GBP6: variants seen among roughly 807,000 people sequenced by gnomAD.
GBP6 encodes guanylate binding protein family member 6, also known as guanylate-binding protein 6.
Under a neutral mutation model 61.5 loss-of-function variants are expected in GBP6, and 54 were observed. The observed-to-expected ratio is 0.88, with a 90% confidence interval of 0.71 to 1.10. The LOEUF (loss-of-function observed/expected upper bound fraction) is 1.10, where lower values mean the gene tolerates loss of function less well. Ranked by LOEUF, GBP6 falls within the 50% of genes least tolerant of loss-of-function variation. GBP6 has a pLI of 0.00. For missense variants in GBP6, 748 were observed against 752.8 expected, an observed-to-expected ratio of 0.99 and a Z score of 0.07; for synonymous variants, 255 against 273.7, an observed-to-expected ratio of 0.93 and a Z score of 0.67.
chr1:89,374,891 A>G (rs1233456991), intron 3 of GBP6, among the ~76,000 whole-genome samples: 1 of 152,120 alleles, frequency 6.6e-6, no homozygotes, highest in Admixed American at 6.6e-5. Flanking sequence ...AGTATCCATT[A>G]GTTATTTTTC....
At chr1:89,382,413 T>G (rs1489418175) in intron 7 of GBP6, among the ~76,000 whole-genome samples, 2 of 152,194 alleles carry the variant, frequency 1.3e-5, no homozygotes, top group Non-Finnish European at 2.9e-5. Flanking sequence ...ATAGAGATTA[T>G]GGAATGTAGT....
At chr1:89,384,624 C>T (rs1653084397) in intron 10 of GBP6, among the ~76,000 whole-genome samples, 2 of 152,116 alleles carry the variant, frequency 1.3e-5, no homozygotes, top group Non-Finnish European at 2.9e-5. Flanking sequence ...TTGATGTGAA[C>T]AGCAGCTGGT....
chr1:89,367,047 A>G (rs1282539261), intron 1 of GBP6, among the ~76,000 whole-genome samples: 5 of 152,198 alleles, frequency 3.3e-5, no homozygotes, highest in East Asian at 3.8e-4. Context: ...TTGTTCATCT[A>G]TTCATCTGTT....
At chr1:89,383,930 C>A (rs1231882204) in intron 9 of GBP6, among the ~76,000 whole-genome samples, 163 bp from the exon 10 acceptor site, 1 of 152,226 alleles carries the variant, frequency 6.6e-6, no homozygotes, top group African/African-American at 2.4e-5. Flanking sequence ...ACAGGCAGAG[C>A]CTTTCCCATC....
At chr1:89,364,687 A>G (rs1652415195) in intron 1 of GBP6, among the ~76,000 whole-genome samples, 1 of 149,798 alleles carries the variant, frequency 6.7e-6, no homozygotes, top group Non-Finnish European at 1.5e-5. Context: ...GGGGGGTGTT[A>G]GTTTCCCATA....
chr1:89,383,772 G>C lies in GBP6; in HGVS notation c.1468+18G>C. The C allele has an allele frequency of 1.9e-6, 3 of 1,545,568 alleles. No homozygotes were observed. The highest frequency in any genetic ancestry group is 2.7e-6 in the Non-Finnish European group (3 of 1,131,844). Reference sequence around the variant, plus strand: ...AGTAGCAGGTATGGGGCAGGGCTCAGCTTACACAGGAGGGGTACGTTTATA... The same window carrying C: ...AGTAGCAGGTATGGGGCAGGGCTCACCTTACACAGGAGGGGTACGTTTATA... On this transcript the variant is annotated intron_variant, in intron 9 of 10. Coordinates refer to ENST00000370456, the MANE Select transcript of GBP6 (RefSeq NM_198460.3).
At chr1:89,376,907 G>A (rs1652824512) in intron 3 of GBP6, among the ~76,000 whole-genome samples, 1 of 152,070 alleles carries the variant, frequency 6.6e-6, no homozygotes, top group Non-Finnish European at 1.5e-5. Context: ...CTATCAAACA[G>A]TGATATACTC....
At position 89,382,896 on chromosome 1, in the gene GBP6, T is replaced by C. The variant is rs201707768; in HGVS notation, c.1365+20T>C. 54 of 1,557,880 alleles carry C rather than the reference T, an allele frequency of 3.5e-5. 2 individuals are homozygous for C. The Admixed American group carries it at 9.0e-4, about 26-fold the overall frequency. ...GTAAAGGTAAGGAATAAGGGGAGCA[T>C]GGGGAAGTTTATAGGATAGAGTGAA... On this transcript the variant is annotated intron_variant, in intron 8 of 10. Coordinates refer to ENST00000370456, the MANE Select transcript of GBP6 (RefSeq NM_198460.3).
chr1:89,380,346 A>G (rs761320317), intron 5 of GBP6, 40 bp from the exon 6 acceptor site: 16 of 1,576,348 alleles, frequency 1.0e-5, no homozygotes, highest in Non-Finnish European at 1.2e-5. Context: ...TTATACCAAG[A>G]CTGTTTTCAC....
At chr1:89,384,388 C>T (rs1653077890) in intron 10 of GBP6, 102 bp downstream of exon 10, 1 of 871,432 alleles carries the variant, frequency 1.1e-6, no homozygotes, top group Non-Finnish European at 1.7e-6. Context: ...AAGCACATCA[C>T]CATTTGCTGC....
rs200762631 is a variant in GBP6 at position 89,385,350 on chromosome 1, C to T, written c.1783C>T (p.Arg595Ter). 68 of 1,613,992 alleles carry T rather than the reference C, an allele frequency of 4.2e-5. No individual in the cohort carries two copies. The highest frequency in any genetic ancestry group is 1.4e-4 in the South Asian group (13 of 91,090). ...TKNDDTPWIARTLDNLADELT... is the reference protein window; with the variant it reads ...TKNDDTPWIA ...AAATGATGATACTCCCTGGATTGCA[C>T]GAACCTTGGACAACCTTGCCGATGA... is the stretch of plus-strand genomic sequence containing the variant. Residue 595 changes from arginine (R) to a stop codon, truncating the protein, a stop_gained, in exon 11 of 11, where the codon CGA becomes TGA. Transcript: ENST00000370456. LOFTEE classifies it low-confidence loss of function (END_TRUNC).
chr1:89,377,023 G>A (rs891055600), intron 3 of GBP6, among the ~76,000 whole-genome samples: 19 of 151,938 alleles, frequency 1.3e-4, no homozygotes, highest in Non-Finnish European at 7.4e-5. Context: ...AAATGAATAG[G>A]CTATTCTTCC....
At chr1:89,381,124 A>C (rs967925858) in intron 6 of GBP6, among the ~76,000 whole-genome samples, 6 of 152,042 alleles carry the variant, frequency 3.9e-5, no homozygotes, top group African/African-American at 1.5e-4. Flanking sequence ...ATCTCTACAA[A>C]AAATACAAAA....
chr1:89,370,299 A>G (rs1220499305), intron 3 of GBP6, among the ~76,000 whole-genome samples: 1 of 152,208 alleles, frequency 6.6e-6, no homozygotes, highest in African/African-American at 2.4e-5. Context: ...ATTGACTCCA[A>G]TCTCAGGAGA....
intron 10 of GBP6, among the ~76,000 whole-genome samples, chr1:89,384,732 C>T (rs1194296369): frequency 6.6e-6 from 1 of 152,186 alleles, no homozygotes; most frequent in Non-Finnish European, 1.5e-5. Flanking sequence ...AATTTCCAGA[C>T]TTAAAAGGAC....
intron 4 of GBP6, 21 bp from the exon 5 acceptor site, chr1:89,378,396 T>A (rs1240239780): frequency 6.2e-7 from 1 of 1,602,218 alleles, no homozygotes; most frequent in South Asian, 1.1e-5. Context: ...AGACAGTTGC[T>A]TTTCCTTACC....
chr1:89,367,005 A>C (rs1290351981), intron 1 of GBP6, among the ~76,000 whole-genome samples: 3 of 152,224 alleles, frequency 2.0e-5, no homozygotes, highest in Non-Finnish European at 4.4e-5. Flanking sequence ...TTTATGGCTG[A>C]ATAATAGCTG....
At chr1:89,365,102 T>G (rs1255794598) in intron 1 of GBP6, among the ~76,000 whole-genome samples, 1 of 152,092 alleles carries the variant, frequency 6.6e-6, no homozygotes, top group Non-Finnish European at 1.5e-5. Flanking sequence ...TGTGTTAGTT[T>G]GCTGAGAATG....
At chr1:89,364,882 C>G (rs1246560050) in intron 1 of GBP6, among the ~76,000 whole-genome samples, 2 of 151,560 alleles carry the variant, frequency 1.3e-5, no homozygotes, top group African/African-American at 4.9e-5. Flanking sequence ...CTGCACCTAT[C>G]AATCCGTCAT....
Sources: allele counts gnomAD v4.1 joint callset (sites outside exome capture counted in the v4.1 genomes callset), GRCh38; gene constraint gnomAD v4.1.1; transcripts MANE v1.5; gene names NCBI Gene and HGNC (gene_info 2026-07-23, HGNC 2026-07-21).